RAD17: variants seen among roughly 807,000 people sequenced by gnomAD.
RAD17 encodes RAD17 checkpoint clamp loader component, also known as cell cycle checkpoint protein RAD17.
Under a neutral mutation model 81.5 loss-of-function variants are expected in RAD17, and 31 were observed. The observed-to-expected ratio is 0.38, with a 90% CI of 0.29 to 0.51. RAD17 has a LOEUF of 0.51. Among genes scored for constraint, RAD17 ranks in the 20% least tolerant of loss-of-function variants. The pLI is 0.88. For missense variants in RAD17, 681 were observed against 781.2 expected (o/e 0.87, Z 1.53); for synonymous variants, 261 against 266.2 (o/e 0.98, Z 0.19).
intron 18 of RAD17, 103 bp from the exon 19 acceptor site, chr5:69,413,928 A>G: frequency 3.6e-6 from 5 of 1,383,356 alleles, no homozygotes; most frequent in Non-Finnish European, 2.0e-6. Flanking sequence ...AAACAGCACA[A>G]TGTAGGTAAA....
chr5:69,395,685 CAAATT>C (rs1444718464), intron 15 of RAD17, among the ~76,000 whole-genome samples: 1 of 151,856 alleles, frequency 6.6e-6, no homozygotes, highest in Non-Finnish European at 1.5e-5. Flanking sequence ...AGTACCCACA[CAAATT>C]AAAAATTAAA....
chr5:69,374,619 T>A lies in RAD17; in HGVS notation c.268-9T>A. The A allele has an allele frequency of 1.9e-6, 3 of 1,596,484 alleles. No homozygotes were observed. The highest frequency in any genetic ancestry group is 2.6e-6 in the Non-Finnish European group (3 of 1,174,288). On this transcript the variant is annotated splice_polypyrimidine_tract_variant and intron_variant, in intron 5 of 18. Transcript: ENST00000354868. ...AAGTTTTGTTTTAAATTTGAAATTT[T>A]TGTTGTAGCATGAACTTGCTGTGCA...
chr5:69,378,942 T>A (rs1233997262), intron 6 of RAD17, among the ~76,000 whole-genome samples: 2 of 152,132 alleles, frequency 1.3e-5, no homozygotes, highest in African/African-American at 4.8e-5. Context: ...AGCATACCAT[T>A]AAAAAGTACA....
rs1356334609 is a variant in RAD17, at chr5:69,392,005, AT to A, written c.1183del (p.Cys395ValfsTer6). The A allele has an allele frequency of 2.0e-6, 3 of 1,534,858 alleles. No homozygotes were observed. The highest frequency in any genetic ancestry group is 8.7e-7 in the Non-Finnish European group (1 of 1,148,842). ...TTCAGAGCTTTGGGGAAAATTCTAT[AT>A]TGTAAAAGTAAGAAATTTTTACACT... is the stretch of plus-strand genomic sequence containing the variant. Reference protein sequence around the residue: ...FLFRALGKILYCKRASLTELD... With the variant: ...FLFRALGKILXCKRASLTELD... On this transcript the variant is annotated frameshift_variant, in exon 13 of 19. Coordinates refer to ENST00000354868, the MANE Select transcript of RAD17 (RefSeq NM_133338.3). LOFTEE classifies it high-confidence loss of function.
At chr5:69,412,247 C>T (rs1057396214) in intron 18 of RAD17, among the ~76,000 whole-genome samples, 13 of 152,114 alleles carry the variant, frequency 8.5e-5, no homozygotes, top group Admixed American at 5.2e-4. Flanking sequence ...TGAGCCACCA[C>T]GCCTGGCCAC....
At chr5:69,393,040 CAGTT>C in intron 13 of RAD17, 111 bp from the exon 14 acceptor site, 1 of 566,240 alleles carries the variant, frequency 1.8e-6, no homozygotes, top group Non-Finnish European at 3.0e-6. Flanking sequence ...TATTTTTTAA[CAGTT>C]TGTTACTATG....
chr5:69,398,200 A>G (rs1387029533), intron 16 of RAD17, among the ~76,000 whole-genome samples: 1 of 152,230 alleles, frequency 6.6e-6, no homozygotes, highest in South Asian at 2.1e-4. Flanking sequence ...AAGGTAATGC[A>G]TATGTTAATT....
intron 11 of RAD17, among the ~76,000 whole-genome samples, chr5:69,386,727 A>G (rs529496824): frequency 1.3e-5 from 2 of 152,314 alleles, no homozygotes; most frequent in South Asian, 2.1e-4. Context: ...TCTGTCATCA[A>G]GAAAATGTTT....
At chr5:69,372,934 G>C (rs1763097419) in intron 4 of RAD17, among the ~76,000 whole-genome samples, 1 of 152,102 alleles carries the variant, frequency 6.6e-6, no homozygotes, top group Non-Finnish European at 1.5e-5. Flanking sequence ...CTGAGTGACA[G>C]TTCCCCCTCT....
At chr5:69,374,744 A>T (rs780997502) in intron 6 of RAD17, 33 bp downstream of exon 6, 1 of 1,474,308 alleles carries the variant, frequency 6.8e-7, no homozygotes, top group East Asian at 2.3e-5. Flanking sequence ...AATATTTAAC[A>T]TCAAATATTT....
chr5:69,391,906 G>GA lies in RAD17; in HGVS notation c.1089dup (p.Pro364ThrfsTer2). ...GCTGTGCTGTCAAAATCAAAACGAA[G>GA]AAAAAAACCTGATAGGGTTTTTGAA... On this transcript the variant is annotated frameshift_variant, in exon 13 of 19. Coordinates refer to ENST00000354868, the MANE Select transcript of RAD17 (RefSeq NM_133338.3). LOFTEE classifies it high-confidence loss of function. The GA allele has an allele frequency of 6.3e-7, 1 of 1,593,594 alleles. No homozygotes were observed. Among genetic ancestry groups the GA allele is most frequent in the Non-Finnish European group, 8.5e-7 (1 of 1,173,592 alleles).
At position 69,372,202 on chromosome 5, in the gene RAD17, G is replaced by A. The variant is rs1191821685; in HGVS notation, c.-7G>A. ...AGTACCAGTCACAATCTTTTGATGA[G>A]GACGAAATGAATCAGGTAGCTATGA... On this transcript the variant is annotated 5_prime_UTR_variant, in exon 4 of 19. Coordinates refer to ENST00000354868, the MANE Select transcript of RAD17 (RefSeq NM_133338.3). 1 of 1,607,706 alleles carries A rather than the reference G, an allele frequency of 6.2e-7. No individual in the cohort carries two copies. Among genetic ancestry groups the A allele is most frequent in the South Asian group, 1.1e-5 (1 of 90,648 alleles).
chr5:69,401,406 A>G (rs1033890577), intron 17 of RAD17, among the ~76,000 whole-genome samples: 1 of 152,312 alleles, frequency 6.6e-6, no homozygotes, highest in Middle Eastern at 3.4e-3. Flanking sequence ...CAGAGCAGCA[A>G]TCTCATTTTT....
At chr5:69,369,779 T>G, upstream of RAD17, 1 of 1,429,734 alleles carries the variant, frequency 7.0e-7, no homozygotes, top group South Asian at 1.2e-5. Flanking sequence ...TCCCCGCCCT[T>G]CGCTTGCGCC....
chr5:69,387,005 G>T (rs1284733786), intron 11 of RAD17, among the ~76,000 whole-genome samples: 1 of 149,766 alleles, frequency 6.7e-6, no homozygotes, highest in Non-Finnish European at 1.5e-5. Flanking sequence ...GCTCACTGCA[G>T]CCTCGACCTC....
upstream of RAD17, chr5:69,369,647 CA>C (rs760146958): frequency 7.0e-6 from 11 of 1,561,956 alleles, no homozygotes; most frequent in Non-Finnish European, 9.5e-6. Context: ...AGCCGCGGCC[CA>C]CTGGTTACCT....
rs181606334 is a variant in RAD17, at chr5:69,391,120, C to T, written c.1007-711C>T. On this transcript the variant is annotated intron_variant, in intron 12 of 18. Coordinates refer to ENST00000354868, the MANE Select transcript of RAD17 (RefSeq NM_133338.3). ...GGGCATACACCTGTAATTCTAGCTGCTCGGGAGGCTGAGGCAGGAGAATCG... is the reference window on the plus strand; with the variant it reads ...GGGCATACACCTGTAATTCTAGCTGTTCGGGAGGCTGAGGCAGGAGAATCG... 5.3e-3 allele frequency among the ~76,000 whole-genome samples: 807 copies of T among 151,468 alleles called. 6 individuals carry two copies. The highest frequency in any genetic ancestry group is 0.022 in the Admixed American group (336 of 15,162).
chr5:69,374,481 A>G, intron 5 of RAD17, 147 bp from the exon 6 acceptor site: 1 of 554,972 alleles, frequency 1.8e-6, no homozygotes, highest in Non-Finnish European at 3.2e-6. Context: ...TAAAAATTCA[A>G]GTATAATCAA....
In RAD17 at chr5:69,414,200, G is replaced by C; in HGVS notation, c.1921G>C (p.Glu641Gln). 1.2e-6 allele frequency: 2 copies of C among 1,614,212 alleles called. No homozygotes were observed. The highest frequency in any genetic ancestry group is 1.7e-6 in the Non-Finnish European group (2 of 1,180,042). ...SLPLSQNSAS[E>Q]LPASQPQPFS... ...TCCTTTGAGTCAGAATAGTGCCAGT[G>C]AACTGCCTGCTAGCCAGCCCCAGCC... The change falls in exon 19 of 19, where the codon GAA (glutamate) becomes CAA (glutamine). Residue 641 changes from glutamate (E) to glutamine (Q), a missense_variant. By Grantham distance (29) the Glu-to-Gln change is conservative. Coordinates refer to ENST00000354868, the MANE Select transcript of RAD17 (RefSeq NM_133338.3).
Sources: gnomAD v4.1 joint callset for allele counts (sites outside exome capture counted in the v4.1 genomes callset) on GRCh38, gnomAD v4.1.1 for gene constraint, MANE v1.5 for transcripts, NCBI Gene and HGNC (gene_info 2026-07-23, HGNC 2026-07-21) for gene names.